The following PARN variants were observed in gnomAD, a reference collection of about 807,000 sequenced individuals.
PARN encodes poly(A)-specific ribonuclease.
Under a neutral mutation model 102.8 loss-of-function variants are expected in PARN, and 71 were observed. That is an observed-to-expected ratio of 0.69 (90% confidence interval 0.57 to 0.84). The LOEUF (loss-of-function observed/expected upper bound fraction) is 0.84. PARN is among the 40% of genes least tolerant of loss of function. The pLI, the probability that PARN is intolerant of heterozygous loss-of-function variation, is 0.00. For missense variants in PARN, 782 were observed against 760.9 expected (o/e 1.03, Z -0.33); for synonymous variants, 261 against 252.9 (o/e 1.03, Z -0.30).
chr16:14,619,026 T>C (rs915560102), intron 5 of PARN, among the ~76,000 whole-genome samples: 9 of 150,418 alleles, frequency 6.0e-5, no homozygotes, highest in Non-Finnish European at 1.3e-4. Context: ...TGAGATCCTA[T>C]CTCCACAAAA....
chr16:14,527,950 G>A (rs1015981734), intron 21 of PARN, among the ~76,000 whole-genome samples: 2 of 152,160 alleles, frequency 1.3e-5, no homozygotes, highest in African/African-American at 2.4e-5. Flanking sequence ...AGCACATGTT[G>A]GGCAATACAA....
At chr16:14,475,747 T>G (rs545999507) in intron 22 of PARN, among the ~76,000 whole-genome samples, 1 of 152,212 alleles carries the variant, frequency 6.6e-6, no homozygotes, top group African/African-American at 2.4e-5. Flanking sequence ...CTCTCGACCA[T>G]AGTGCCGCCC....
At chr16:14,626,153 G>A (rs960113955) in intron 5 of PARN, among the ~76,000 whole-genome samples, 6 of 152,058 alleles carry the variant, frequency 3.9e-5, no homozygotes, top group Non-Finnish European at 7.4e-5. Context: ...TTGAGAAAAG[G>A]AAGTCAGCAT....
In PARN at chr16:14,604,243, A is replaced by G; in HGVS notation, c.703-17T>C. 1 of 1,463,594 alleles carries G rather than the reference A, an allele frequency of 6.8e-7. No individual in the cohort carries two copies. Among genetic ancestry groups the G allele is most frequent in the South Asian group, 1.3e-5 (1 of 79,940 alleles). The allele number at this position is 1,463,594 out of a possible 1,614,324, so 90.7% of individuals were successfully genotyped here. On this transcript the variant is annotated splice_polypyrimidine_tract_variant and intron_variant, in intron 10 of 23. Coordinates refer to ENST00000437198, the MANE Select transcript of PARN (RefSeq NM_002582.4). ...TCGCTCCTTCTAAAAGACATAAAGCAGATATACAATTTTCTTTTCTTTTTC... is the reference window on the plus strand; with the variant it reads ...TCGCTCCTTCTAAAAGACATAAAGCGGATATACAATTTTCTTTTCTTTTTC...
At chr16:14,480,481 T>C (rs747669936) in intron 22 of PARN, among the ~76,000 whole-genome samples, 1 of 152,170 alleles carries the variant, frequency 6.6e-6, no homozygotes, top group Non-Finnish European at 1.5e-5. Flanking sequence ...TATAAGTGAA[T>C]AGCGAAAAGA....
intron 23 of PARN, among the ~76,000 whole-genome samples, chr16:14,437,556 G>A (rs573271212): frequency 3.3e-5 from 5 of 152,118 alleles, no homozygotes; most frequent in Non-Finnish European, 5.9e-5. Flanking sequence ...GAGCAGCTGC[G>A]GCCAGCAACT....
intron 21 of PARN, among the ~76,000 whole-genome samples, chr16:14,545,911 G>C (rs1480301589): frequency 6.6e-6 from 1 of 152,128 alleles, no homozygotes; most frequent in African/African-American, 2.4e-5. Context: ...TACGGTTCTA[G>C]CTCAAGAAAC....
chr16:14,532,174 AT>A (rs35785901), intron 21 of PARN, among the ~76,000 whole-genome samples: 1,891 of 138,274 alleles, frequency 0.014, 19 homozygotes, highest in South Asian at 0.049. Context: ...TCAAACTCTG[AT>A]TTTTTTTTTT....
chr16:14,533,454 AGAGG>A (rs1966468763), intron 21 of PARN, among the ~76,000 whole-genome samples: 1 of 38,878 alleles, frequency 2.6e-5, no homozygotes, highest in Non-Finnish European at 4.3e-5. Flanking sequence ...AGGGAGAGGG[AGAGG>A]GAGAGGGAGA....
chr16:14,465,103 T>C (rs956827713), intron 22 of PARN, among the ~76,000 whole-genome samples: 2 of 152,218 alleles, frequency 1.3e-5, no homozygotes, highest in African/African-American at 4.8e-5. Context: ...TCTTGCTCTC[T>C]GTTACGTAGG....
rs546857961 is a variant in PARN, at chr16:14,605,397, A to G, written c.702+1087T>C. Reference sequence around the variant, plus strand: ...AACCCAACAGACATCAGTTAAAAATATCAACAGACTGTGAGAATAAGACAT... The same window carrying G: ...AACCCAACAGACATCAGTTAAAAATGTCAACAGACTGTGAGAATAAGACAT... On this transcript the variant is annotated intron_variant, in intron 10 of 23. Transcript: ENST00000437198. 2.6e-4 allele frequency among the ~76,000 whole-genome samples: 39 copies of G among 152,378 alleles called. No individual in the cohort carries two copies. The East Asian group carries it at 7.5e-3, about 29-fold the overall frequency.
chr16:14,477,861 C>T (rs148760092), intron 22 of PARN, among the ~76,000 whole-genome samples: 27 of 152,046 alleles, frequency 1.8e-4, no homozygotes, highest in African/African-American at 5.8e-4. Context: ...AAATTACAGT[C>T]TAATATTCCT....
chr16:14,447,740 C>T (rs914652212), intron 22 of PARN, among the ~76,000 whole-genome samples: 3 of 152,120 alleles, frequency 2.0e-5, no homozygotes, highest in Non-Finnish European at 4.4e-5. Context: ...ATAAAAACAG[C>T]GTCCACATAG....
intron 19 of PARN, among the ~76,000 whole-genome samples, 184 bp downstream of exon 19, chr16:14,555,470 T>C (rs1408653412): frequency 6.6e-6 from 1 of 152,134 alleles, no homozygotes; most frequent in Non-Finnish European, 1.5e-5. Flanking sequence ...AAAACATAAA[T>C]GAAGAAATGA....
At chr16:14,509,346 C>A (rs1055851885) in intron 21 of PARN, among the ~76,000 whole-genome samples, 3 of 152,132 alleles carry the variant, frequency 2.0e-5, no homozygotes, top group African/African-American at 7.2e-5. Flanking sequence ...GAACAAACAG[C>A]GCACTTAGGA....
intron 6 of PARN, among the ~76,000 whole-genome samples, chr16:14,613,652 C>A (rs906850378): frequency 6.6e-6 from 1 of 152,024 alleles, no homozygotes; most frequent in Non-Finnish European, 1.5e-5. Context: ...CCATGGGACA[C>A]TAAGGAATTT....
chr16:14,570,646 T>C (rs999069628), intron 18 of PARN, among the ~76,000 whole-genome samples: 2 of 136,568 alleles, frequency 1.5e-5, no homozygotes, highest in African/African-American at 5.6e-5. Flanking sequence ...TGAGACTCCA[T>C]CTCAAAAAAA....
chr16:14,586,376 A>G lies in PARN; in HGVS notation c.919-15T>C. Reference sequence around the variant, plus strand: ...TCACTTAAGTCCTAAAGAACAAGAGAAGGACTTGTTACAATTTTCCTAATA... The same window carrying G: ...TCACTTAAGTCCTAAAGAACAAGAGGAGGACTTGTTACAATTTTCCTAATA... On this transcript the variant is annotated splice_polypyrimidine_tract_variant and intron_variant, in intron 13 of 23. Transcript: ENST00000437198. The G allele has an allele frequency of 6.7e-7, 1 of 1,484,676 alleles. No individual in the cohort carries two copies. The highest frequency in any genetic ancestry group is 1.7e-4 in the Middle Eastern group (1 of 5,876). The allele number at this position is 1,484,676 out of a possible 1,614,324, so 92.0% of individuals were successfully genotyped here.
chr16:14,497,636 C>T (rs745774723), intron 21 of PARN, among the ~76,000 whole-genome samples: 3 of 152,212 alleles, frequency 2.0e-5, no homozygotes, highest in Non-Finnish European at 1.5e-5. Flanking sequence ...TAGCCACATA[C>T]GCAAACAGCC....
Sources: gnomAD v4.1 joint callset for allele counts (sites outside exome capture counted in the v4.1 genomes callset) on GRCh38, gnomAD v4.1.1 for gene constraint, MANE v1.5 for transcripts, NCBI Gene and HGNC (gene_info 2026-07-23, HGNC 2026-07-21) for gene names.